CHST8: variants seen among roughly 807,000 people sequenced by gnomAD.
CHST8 encodes the protein carbohydrate sulfotransferase 8.
Under a neutral mutation model 15.0 loss-of-function variants are expected in CHST8, and 10 were observed. That is an observed-to-expected ratio of 0.67 (90% CI 0.41 to 1.13). The LOEUF is 1.13. Among genes scored for constraint, CHST8 ranks in the 50% most tolerant of loss-of-function variants. The pLI is 0.00. For missense variants in CHST8, 634 were observed against 608.2 expected (o/e 1.04, Z -0.45); for synonymous variants, 259 against 256.6 (o/e 1.01, Z -0.09).
intron 3 of CHST8, among the ~76,000 whole-genome samples, 159 bp downstream of exon 3, chr19:33,689,550 A>G (rs896003714): frequency 1.4e-4 from 21 of 152,298 alleles, no homozygotes; most frequent in African/African-American, 3.8e-4. Context: ...GGAAGGCGTT[A>G]GTCTCAATGT....
intron 1 of CHST8, among the ~76,000 whole-genome samples, chr19:33,632,302 G>A (rs1287009728): frequency 1.3e-5 from 2 of 152,038 alleles, no homozygotes; most frequent in African/African-American, 4.8e-5. Context: ...GCCATGCCTG[G>A]CTATTGTTGT....
intron 1 of CHST8, among the ~76,000 whole-genome samples, chr19:33,627,098 T>TGGGG (rs71181368): frequency 4.4e-5 from 3 of 68,694 alleles, no homozygotes; most frequent in African/African-American, 9.8e-5. Flanking sequence ...CCTCTTTTTT[T>TGGGG]GGGGGGGGGG....
At chr19:33,658,776 A>AT (rs1183469406) in intron 1 of CHST8, among the ~76,000 whole-genome samples, 1 of 152,118 alleles carries the variant, frequency 6.6e-6, no homozygotes, top group Non-Finnish European at 1.5e-5. Context: ...TTTCTGGAAC[A>AT]TTCTCAGCCA....
intron 3 of CHST8, among the ~76,000 whole-genome samples, chr19:33,716,098 C>T (rs1416041490): frequency 1.3e-5 from 2 of 152,234 alleles, no homozygotes; most frequent in Non-Finnish European, 2.9e-5. Context: ...AACCTCTTTC[C>T]ATATCGAGAC....
intron 1 of CHST8, among the ~76,000 whole-genome samples, chr19:33,657,126 TACACAC>T (rs530334678): frequency 0.011 from 1,462 of 127,894 alleles, 27 homozygotes; most frequent in African/African-American, 0.037. Flanking sequence ...TTTGCTTTAT[TACACAC>T]ACACACACAC....
chr19:33,650,507 C>CTTTTCTT (rs1568315003), intron 1 of CHST8, among the ~76,000 whole-genome samples: 1 of 54,546 alleles, frequency 1.8e-5, no homozygotes, highest in Non-Finnish European at 3.4e-5. Flanking sequence ...TTTTCTTTTT[C>CTTTTCTT]TTTTTCTTTT....
intron 3 of CHST8, among the ~76,000 whole-genome samples, chr19:33,762,608 T>C (rs1319450818): frequency 6.6e-6 from 1 of 152,372 alleles, no homozygotes; most frequent in Admixed American, 6.5e-5. Flanking sequence ...GGAGCTGCGC[T>C]GCGGGAGATT....
At chr19:33,746,717 G>A (rs1391964024) in intron 3 of CHST8, among the ~76,000 whole-genome samples, 1 of 152,214 alleles carries the variant, frequency 6.6e-6, no homozygotes, top group Non-Finnish European at 1.5e-5. Flanking sequence ...GGAGTTAGTG[G>A]GAGGTGAGTT....
intron 3 of CHST8, among the ~76,000 whole-genome samples, chr19:33,725,853 C>A (rs1390017209): frequency 6.6e-6 from 1 of 152,160 alleles, no homozygotes; most frequent in Non-Finnish European, 1.5e-5. Context: ...TGACCTGGGC[C>A]GGAGCCTGGC....
intron 3 of CHST8, among the ~76,000 whole-genome samples, chr19:33,757,518 GAAAGAGAAAGAAAGAAAGAA>G: frequency 1.8e-5 from 1 of 54,104 alleles, no homozygotes; most frequent in Admixed American, 2.1e-4. Flanking sequence ...AAGAAAGAAA[GAAAGAGAAAGAAAGAAAGAA>G]AGAAAGAAAG....
intron 3 of CHST8, among the ~76,000 whole-genome samples, chr19:33,743,860 C>T (rs916374309): frequency 2.0e-5 from 3 of 150,934 alleles, no homozygotes; most frequent in Non-Finnish European, 4.4e-5. Flanking sequence ...GGTGCAGTCT[C>T]GGTTCACTGC....
intron 1 of CHST8, among the ~76,000 whole-genome samples, chr19:33,659,239 A>G (rs1283169593): frequency 6.6e-5 from 10 of 151,594 alleles, no homozygotes; most frequent in Non-Finnish European, 1.5e-4. Context: ...CTAATTTTGT[A>G]TTTTTGGTAG....
chr19:33,762,807 G>A (rs960452609), intron 3 of CHST8, among the ~76,000 whole-genome samples: 1 of 151,976 alleles, frequency 6.6e-6, no homozygotes, highest in Admixed American at 6.6e-5. Flanking sequence ...CGTTCAGCAA[G>A]GTCAAGGCAC....
At chr19:33,750,988 G>A (rs1347743728) in intron 3 of CHST8, among the ~76,000 whole-genome samples, 1 of 151,772 alleles carries the variant, frequency 6.6e-6, no homozygotes, top group African/African-American at 2.4e-5. Context: ...TCAAGGACAA[G>A]GGGGAGTGAT....
intron 3 of CHST8, among the ~76,000 whole-genome samples, chr19:33,757,577 A>G (rs575828893): frequency 8.4e-5 from 12 of 142,830 alleles, no homozygotes; most frequent in Non-Finnish European, 3.1e-5. Flanking sequence ...AGAAAGAAAG[A>G]AAGAAAGAAA....
intron 3 of CHST8, among the ~76,000 whole-genome samples, chr19:33,715,281 G>A (rs1371555715): frequency 6.6e-6 from 1 of 152,198 alleles, no homozygotes; most frequent in Non-Finnish European, 1.5e-5. Flanking sequence ...CACCTGCCTT[G>A]TCCTGCTGTC....
chr19:33,640,689 A>G (rs996744207), intron 1 of CHST8, among the ~76,000 whole-genome samples: 1 of 152,220 alleles, frequency 6.6e-6, no homozygotes, highest in African/African-American at 2.4e-5. Context: ...TCTGTTGCCA[A>G]TAAATGCCGG....
chr19:33,642,077 G>A (rs1972291207), intron 1 of CHST8, among the ~76,000 whole-genome samples: 1 of 152,188 alleles, frequency 6.6e-6, no homozygotes, highest in Admixed American at 6.5e-5. Flanking sequence ...CCCTGGAAAG[G>A]GACAGGAACC....
intron 3 of CHST8, among the ~76,000 whole-genome samples, chr19:33,752,540 C>T (rs1424487614): frequency 6.6e-6 from 1 of 152,118 alleles, no homozygotes; most frequent in Non-Finnish European, 1.5e-5. Flanking sequence ...AGGAGCATGG[C>T]AGAGCCCAGA....
Sources: gnomAD v4.1 joint callset for allele counts (sites outside exome capture counted in the v4.1 genomes callset) on GRCh38, gnomAD v4.1.1 for gene constraint, MANE v1.5 for transcripts, NCBI Gene and HGNC (gene_info 2026-07-23, HGNC 2026-07-21) for gene names.